MEIS1: variants seen among roughly 807,000 people sequenced by gnomAD.
MEIS1 encodes the protein homeobox protein Meis1.
Under a neutral mutation model 50.8 loss-of-function variants are expected in MEIS1, and 5 were observed. The observed-to-expected ratio is 0.10, with a 90% CI of 0.05 to 0.21. The LOEUF (loss-of-function observed/expected upper bound fraction) is 0.21, where lower values mean the gene tolerates loss of function less well. MEIS1 is among the 10% of genes least tolerant of loss of function. The pLI, the probability that MEIS1 is intolerant of heterozygous loss-of-function variation, is 1.00. For synonymous variants in MEIS1, 176 were observed against 179.3 expected, an observed-to-expected ratio of 0.98 and a Z score of 0.15; for missense variants, 318 against 517.3, an observed-to-expected ratio of 0.61 and a Z score of 3.74.
chr2:66,443,966 C>T (rs1672065262), intron 6 of MEIS1, among the ~76,000 whole-genome samples: 1 of 152,200 alleles, frequency 6.6e-6, no homozygotes, highest in Non-Finnish European at 1.5e-5. Flanking sequence ...TTCTCTCTCT[C>T]TGTCACCCCA....
intron 9 of MEIS1, among the ~76,000 whole-genome samples, chr2:66,560,549 A>G (rs1417800411): frequency 1.3e-5 from 2 of 150,826 alleles, no homozygotes; most frequent in East Asian, 3.9e-4. Flanking sequence ...GTGCCACTAC[A>G]CTCCAGCCTG....
At chr2:66,489,434 A>G (rs964604995) in intron 7 of MEIS1, among the ~76,000 whole-genome samples, 3 of 152,216 alleles carry the variant, frequency 2.0e-5, no homozygotes, top group African/African-American at 7.2e-5. Flanking sequence ...GATTCTTAAT[A>G]TAGTAGACTT....
At chr2:66,445,564 G>A (rs2103697457) in intron 6 of MEIS1, among the ~76,000 whole-genome samples, 1 of 152,368 alleles carries the variant, frequency 6.6e-6, no homozygotes, top group East Asian at 1.9e-4. Context: ...TCCGCAGAGG[G>A]TGCGCTCCGG....
chr2:66,541,321 G>A lies in MEIS1; in HGVS notation c.889-6622G>A, dbSNP rs1440083468. Among the ~76,000 whole-genome samples the A allele has an allele frequency of 4.6e-5, 7 of 152,240 alleles. No homozygotes were observed. In the East Asian group the frequency reaches 1.4e-3, roughly 29 times the overall value. On this transcript the variant is annotated intron_variant, in intron 8 of 12. Coordinates refer to ENST00000272369, the MANE Select transcript of MEIS1 (RefSeq NM_002398.3). The stretch of plus-strand genomic sequence containing the variant: ...CAAAGTACTGGGATTACAGGTGTGA[G>A]CCACCGCACAGGCAGGGCATTTTAG...
intron 7 of MEIS1, among the ~76,000 whole-genome samples, chr2:66,492,063 G>A (rs572778193): frequency 2.5e-4 from 37 of 146,108 alleles, no homozygotes; most frequent in Non-Finnish European, 4.8e-4. Context: ...AAGTGTGAGC[G>A]TTCACTTGTG....
intron 6 of MEIS1, among the ~76,000 whole-genome samples, chr2:66,444,035 G>A (rs954815001): frequency 3.3e-5 from 5 of 152,150 alleles, no homozygotes; most frequent in Admixed American, 1.3e-4. Flanking sequence ...CTCTGGATTG[G>A]TCCAAAGGAG....
chr2:66,477,807 T>C (rs558401504), intron 7 of MEIS1, among the ~76,000 whole-genome samples: 11 of 152,208 alleles, frequency 7.2e-5, no homozygotes, highest in Non-Finnish European at 1.6e-4. Flanking sequence ...CCTGGTGTGC[T>C]TCAGCCTTTC....
intron 8 of MEIS1, among the ~76,000 whole-genome samples, chr2:66,534,918 T>C (rs78263533): frequency 0.012 from 1,872 of 152,348 alleles, 41 homozygotes; most frequent in African/African-American, 0.043. Flanking sequence ...AGATTATGTA[T>C]ATAAGTTCAT....
intron 5 of MEIS1, 33 bp downstream of exon 5, chr2:66,441,497 C>A (rs561003735): frequency 6.6e-7 from 1 of 1,504,694 alleles, no homozygotes; most frequent in Admixed American, 2.2e-5. Flanking sequence ...CTTTTACTTA[C>A]CCCTTACCCC....
intron 2 of MEIS1, 49 bp from the exon 3 acceptor site, chr2:66,439,794 A>G (rs754036341): frequency 6.2e-7 from 1 of 1,608,138 alleles, no homozygotes. Flanking sequence ...TTTTCCATTG[A>G]CTGGGGACTA....
At chr2:66,445,905 C>A (rs565763933) in intron 6 of MEIS1, among the ~76,000 whole-genome samples, 46 of 152,306 alleles carry the variant, frequency 3.0e-4, no homozygotes, top group African/African-American at 1.1e-3. Flanking sequence ...CCCGTTCCTT[C>A]CCCCACTCCC....
intron 6 of MEIS1, among the ~76,000 whole-genome samples, chr2:66,448,981 T>C (rs1573130418): frequency 6.6e-6 from 1 of 152,154 alleles, no homozygotes; most frequent in Non-Finnish European, 1.5e-5. Flanking sequence ...ATCTGTCATA[T>C]TTGAATCAAA....
chr2:66,440,087 A>C (rs1671927252), intron 3 of MEIS1, 103 bp downstream of exon 3: 5 of 1,067,988 alleles, frequency 4.7e-6, no homozygotes, highest in Non-Finnish European at 6.6e-6. Context: ...ACACACACAC[A>C]CACACGGCAC....
At chr2:66,443,212 T>C (rs1365158555) in intron 6 of MEIS1, 164 bp downstream of exon 6, 2 of 738,468 alleles carry the variant, frequency 2.7e-6, no homozygotes, top group Admixed American at 4.0e-5. Context: ...CTATTATTGC[T>C]TCATTAAGGC....
At chr2:66,512,636 A>G (rs1673862099) in intron 8 of MEIS1, among the ~76,000 whole-genome samples, 1 of 152,204 alleles carries the variant, frequency 6.6e-6, no homozygotes, top group Non-Finnish European at 1.5e-5. Flanking sequence ...AGAAAGTTAG[A>G]CAAACCCTAG....
At chr2:66,521,393 G>A (rs537328725) in intron 8 of MEIS1, among the ~76,000 whole-genome samples, 7 of 151,060 alleles carry the variant, frequency 4.6e-5, no homozygotes, top group African/African-American at 9.7e-5. Flanking sequence ...TGGCCTGGAC[G>A]CCAAAGAGCT....
chr2:66,494,105 G>A (rs1485186080), intron 7 of MEIS1, among the ~76,000 whole-genome samples: 1 of 149,690 alleles, frequency 6.7e-6, no homozygotes, highest in Non-Finnish European at 1.5e-5. Context: ...TACTTCATCA[G>A]TTCACTTGTG....
chr2:66,464,231 T>A lies in MEIS1; in HGVS notation c.742+11T>A. The A allele has an allele frequency of 3.2e-6, 5 of 1,554,638 alleles. No individual in the cohort carries two copies. The highest frequency in any genetic ancestry group is 4.4e-6 in the Non-Finnish European group (5 of 1,142,140). Reference sequence around the variant, plus strand: ...ACAGCAGTGAGCAAGGTAGGAGAGATGTTATTCTCTTTTGCTACTTGTTTC... The same window carrying A: ...ACAGCAGTGAGCAAGGTAGGAGAGAAGTTATTCTCTTTTGCTACTTGTTTC... On this transcript the variant is annotated intron_variant, in intron 7 of 12. Transcript: ENST00000272369.
intron 7 of MEIS1, among the ~76,000 whole-genome samples, chr2:66,482,514 G>T (rs1205352512): frequency 1.3e-5 from 2 of 152,312 alleles, no homozygotes; most frequent in South Asian, 2.1e-4. Context: ...GTGTCTACCA[G>T]TTCTCTCTCT....
Sources: allele counts gnomAD v4.1 joint callset (sites outside exome capture counted in the v4.1 genomes callset), GRCh38; gene constraint gnomAD v4.1.1; transcripts MANE v1.5; gene names NCBI Gene and HGNC (gene_info 2026-07-23, HGNC 2026-07-21).